The following WWOX variants were observed in gnomAD, a reference collection of about 807,000 sequenced individuals.
WWOX encodes the protein WW domain containing oxidoreductase, also known as WW domain-containing oxidoreductase.
Under a neutral mutation model 46.2 loss-of-function variants are expected in WWOX, and 69 were observed. That is an observed-to-expected ratio of 1.49 (90% CI 1.23 to 1.82). The LOEUF (loss-of-function observed/expected upper bound fraction) is 1.82, where lower values mean the gene tolerates loss of function less well. WWOX is among the 40% of genes most tolerant of loss of function. The pLI is 0.00. For synonymous variants in WWOX, 359 were observed against 202.6 expected (o/e 1.77, Z -6.56); for missense variants, 919 against 542.6 (o/e 1.69, Z -6.89).
intron 8 of WWOX, among the ~76,000 whole-genome samples, chr16:78,766,970 C>G (rs2049937779): frequency 6.6e-6 from 1 of 152,112 alleles, no homozygotes; most frequent in African/African-American, 2.4e-5. Flanking sequence ...TCTGGTAACC[C>G]CTACTTTACT....
At chr16:78,371,388 T>G (rs1473739419) in intron 5 of WWOX, among the ~76,000 whole-genome samples, 1 of 152,228 alleles carries the variant, frequency 6.6e-6, no homozygotes, top group Non-Finnish European at 1.5e-5. Flanking sequence ...GAAACTGCCT[T>G]TGTGATCTGG....
chr16:78,633,313 A>G (rs2046485677), intron 8 of WWOX, among the ~76,000 whole-genome samples: 1 of 152,162 alleles, frequency 6.6e-6, no homozygotes, highest in Non-Finnish European at 1.5e-5. Flanking sequence ...GAGCATAAGT[A>G]TCTTCTATGG....
chr16:78,505,062 A>T (rs983937849), intron 8 of WWOX, among the ~76,000 whole-genome samples: 1 of 152,038 alleles, frequency 6.6e-6, no homozygotes, highest in African/African-American at 2.4e-5. Context: ...AAGGGATATT[A>T]TTGTTCCTGA....
intron 5 of WWOX, among the ~76,000 whole-genome samples, chr16:78,233,021 T>C (rs2037320313): frequency 6.6e-6 from 1 of 152,186 alleles, no homozygotes; most frequent in African/African-American, 2.4e-5. Context: ...TGTAATTGTT[T>C]GTTTCTAAAA....
intron 5 of WWOX, among the ~76,000 whole-genome samples, chr16:78,283,597 A>G (rs2079718331): frequency 6.6e-6 from 1 of 152,134 alleles, no homozygotes; most frequent in Admixed American, 6.5e-5. Context: ...CTCACATAGG[A>G]TGAATGTGGC....
intron 8 of WWOX, among the ~76,000 whole-genome samples, chr16:78,926,888 C>T (rs1487639637): frequency 2.0e-5 from 3 of 152,116 alleles, no homozygotes; most frequent in African/African-American, 7.2e-5. Context: ...CCTCTACTTC[C>T]TGGGCTCAAG....
At chr16:78,126,267 G>C (rs958433339) in intron 4 of WWOX, among the ~76,000 whole-genome samples, 1 of 152,168 alleles carries the variant, frequency 6.6e-6, no homozygotes, top group African/African-American at 2.4e-5. Context: ...TTTTGTGGAA[G>C]TGGAATTGCT....
At chr16:78,502,682 C>G (rs8062956) in intron 8 of WWOX, among the ~76,000 whole-genome samples, 94,609 of 152,096 alleles carry the variant, frequency 0.62, 32,326 homozygotes, top group East Asian at 0.82. Context: ...TTCCAATATC[C>G]TTTGATGACA....
intron 8 of WWOX, among the ~76,000 whole-genome samples, chr16:78,680,836 C>T (rs1029248404): frequency 4.6e-5 from 7 of 152,100 alleles, no homozygotes; most frequent in African/African-American, 1.4e-4. Flanking sequence ...ATTGGCCAGG[C>T]ATGGTGGCTC....
chr16:78,306,707 C>A (rs370210260), intron 5 of WWOX, among the ~76,000 whole-genome samples: 10 of 151,926 alleles, frequency 6.6e-5, no homozygotes, highest in African/African-American at 2.4e-4. Context: ...CCACAATTCC[C>A]TGTGAATTTT....
chr16:79,053,478 A>G (rs1363897471), intron 8 of WWOX, among the ~76,000 whole-genome samples: 2 of 152,212 alleles, frequency 1.3e-5, no homozygotes, highest in African/African-American at 4.8e-5. Context: ...AATTAGGTTT[A>G]TAATTTGCAC....
chr16:78,165,537 C>A (rs1490299034), intron 5 of WWOX, among the ~76,000 whole-genome samples: 1 of 151,920 alleles, frequency 6.6e-6, no homozygotes, highest in Non-Finnish European at 1.5e-5. Context: ...GGAGAAGGGT[C>A]AGATGGGGTA....
intron 8 of WWOX, among the ~76,000 whole-genome samples, chr16:78,777,863 G>A (rs1284807646): frequency 6.6e-6 from 1 of 151,940 alleles, no homozygotes. Context: ...CGGCCAGCAT[G>A]GTGAAACCCT....
intron 8 of WWOX, among the ~76,000 whole-genome samples, chr16:78,874,965 C>G (rs2044206396): frequency 6.6e-6 from 1 of 152,158 alleles, no homozygotes. Context: ...GCCCCCATGA[C>G]TTCACGTTGC....
At chr16:78,707,075 C>A (rs1270406921) in intron 8 of WWOX, among the ~76,000 whole-genome samples, 1 of 152,156 alleles carries the variant, frequency 6.6e-6, no homozygotes, top group African/African-American at 2.4e-5. Context: ...CCTTCAAGGA[C>A]AAAGTGCTGG....
chr16:79,091,983 G>T lies in WWOX; in HGVS notation c.1057-119625G>T, dbSNP rs536472401. On this transcript the variant is annotated intron_variant, in intron 8 of 8. Transcript: ENST00000566780. Reference sequence around the variant, plus strand: ...TTTAGTAGAGACGGAGTTTCACCATGTTGGCCAAGATGGTCTCGATCTCTT... The same window carrying T: ...TTTAGTAGAGACGGAGTTTCACCATTTTGGCCAAGATGGTCTCGATCTCTT... Among the ~76,000 whole-genome samples the T allele has an allele frequency of 3.9e-5, 6 of 152,042 alleles. No homozygotes were observed. In the South Asian group the frequency reaches 1.2e-3, roughly 32 times the overall value.
intron 5 of WWOX, among the ~76,000 whole-genome samples, chr16:78,368,443 A>G (rs1490190767): frequency 6.6e-6 from 1 of 152,134 alleles, no homozygotes; most frequent in East Asian, 1.9e-4. Context: ...GGTTTTCCTG[A>G]TGTACCAAAT....
At chr16:79,211,098 G>A (rs962121000) in intron 8 of WWOX, among the ~76,000 whole-genome samples, 2 of 150,646 alleles carry the variant, frequency 1.3e-5, no homozygotes, top group African/African-American at 4.9e-5. Context: ...CCTTCCCCTA[G>A]CAGCACCGTG....
chr16:78,364,660 T>TTCTCTCTC (rs71137892), intron 5 of WWOX, among the ~76,000 whole-genome samples: 2 of 151,746 alleles, frequency 1.3e-5, no homozygotes, highest in African/African-American at 4.8e-5. Flanking sequence ...TGGGTGCTCT[T>TTCTCTCTC]TCTCTATAAT....
Sources: gnomAD v4.1 joint callset for allele counts (sites outside exome capture counted in the v4.1 genomes callset) on GRCh38, gnomAD v4.1.1 for gene constraint, MANE v1.5 for transcripts, NCBI Gene and HGNC (gene_info 2026-07-23, HGNC 2026-07-21) for gene names.